PDE1C: variants seen among roughly 807,000 people sequenced by gnomAD.
The protein encoded by PDE1C is phosphodiesterase 1C, also known as dual specificity calcium/calmodulin-dependent 3',5'-cyclic nucleotide phosphodiesterase 1C.
Under a neutral mutation model 93.1 loss-of-function variants are expected in PDE1C, and 62 were observed. The observed-to-expected ratio is 0.67, with a 90% CI of 0.54 to 0.82. PDE1C has a LOEUF of 0.82. Ranked by LOEUF, PDE1C falls within the 40% of genes least tolerant of loss-of-function variation. The pLI is 0.00. For missense variants in PDE1C, 742 were observed against 884.6 expected, an observed-to-expected ratio of 0.84 and a Z score of 2.04; for synonymous variants, 325 against 310.1, an observed-to-expected ratio of 1.05 and a Z score of -0.50.
At chr7:32,134,116 G>GA (rs1443572058) in intron 3 of PDE1C, among the ~76,000 whole-genome samples, 2 of 151,854 alleles carry the variant, frequency 1.3e-5, no homozygotes, top group African/African-American at 4.8e-5. Context: ...GAACAGAGGG[G>GA]AAAAATGTTG....
chr7:32,133,734 C>A (rs531428169), intron 3 of PDE1C, among the ~76,000 whole-genome samples: 6 of 152,238 alleles, frequency 3.9e-5, no homozygotes, highest in Middle Eastern at 6.8e-3. Context: ...AGAATCTCTG[C>A]AATACATTGT....
intron 1 of PDE1C, among the ~76,000 whole-genome samples, chr7:32,279,205 C>T (rs1338793181): frequency 6.6e-6 from 1 of 152,168 alleles, no homozygotes; most frequent in East Asian, 1.9e-4. Flanking sequence ...ACAAGTGACT[C>T]TCACAATCTG....
chr7:32,242,785 C>G (rs1181626428), intron 1 of PDE1C, among the ~76,000 whole-genome samples: 1 of 152,074 alleles, frequency 6.6e-6, no homozygotes, highest in African/African-American at 2.4e-5. Context: ...AATAAAACTG[C>G]CAGTGGAAAT....
At chr7:31,998,799 G>A (rs187207993) in intron 2 of PDE1C, among the ~76,000 whole-genome samples, 2 of 152,280 alleles carry the variant, frequency 1.3e-5, no homozygotes, top group South Asian at 2.1e-4. Context: ...CCCCTGGCAA[G>A]TTTTATAATA....
chr7:31,623,330 A>ATGAACAT, the PDE1C span, among the ~76,000 whole-genome samples: 2 of 152,090 alleles, frequency 1.3e-5, no homozygotes, highest in African/African-American at 4.8e-5. Flanking sequence ...AATATCCTTG[A>ATGAACAT]TGAACATTGA....
the PDE1C span, among the ~76,000 whole-genome samples, chr7:31,667,980 C>G: frequency 6.6e-6 from 1 of 152,060 alleles, no homozygotes; most frequent in Non-Finnish European, 1.5e-5. Context: ...TGGTTACTTT[C>G]TTGTGAGGCT....
In PDE1C at chr7:32,041,201, A is replaced by C. The variant is rs1409433315; in HGVS notation, c.128+10353T>G. On this transcript the variant is annotated intron_variant, in intron 2 of 17. Coordinates refer to ENST00000396191, the MANE Select transcript of PDE1C (RefSeq NM_001191057.4). Reference sequence around the variant, plus strand: ...GCAAATACTATTTCCATTTACCAAAAGAAACAGATTCCAGTAGGCAGGGGA... The same window carrying C: ...GCAAATACTATTTCCATTTACCAAACGAAACAGATTCCAGTAGGCAGGGGA... Among the ~76,000 whole-genome samples the C allele has an allele frequency of 2.6e-5, 4 of 152,294 alleles. No homozygotes were observed. The East Asian group carries it at 7.7e-4, about 29-fold the overall frequency.
chr7:32,043,191 T>C (rs1174875795), intron 2 of PDE1C, among the ~76,000 whole-genome samples: 1 of 152,014 alleles, frequency 6.6e-6, no homozygotes, highest in Non-Finnish European at 1.5e-5. Flanking sequence ...AGTGCCATGG[T>C]TAAGAAATGC....
intron 17 of PDE1C, among the ~76,000 whole-genome samples, chr7:31,773,952 A>G (rs1473769768): frequency 1.3e-5 from 2 of 152,234 alleles, no homozygotes; most frequent in Non-Finnish European, 2.9e-5. Context: ...GAAGAAGAGA[A>G]TAAGGAGCAT....
chr7:31,710,771 C>T, the PDE1C span, among the ~76,000 whole-genome samples: 19 of 152,274 alleles, frequency 1.2e-4, no homozygotes, highest in African/African-American at 3.4e-4. Context: ...GCACAGAAGA[C>T]GCATGAACTG....
the PDE1C span, among the ~76,000 whole-genome samples, chr7:31,661,238 A>G: frequency 6.6e-6 from 1 of 152,164 alleles, no homozygotes; most frequent in African/African-American, 2.4e-5. Flanking sequence ...TTATATATAT[A>G]AAACAATGTC....
intron 12 of PDE1C, 35 bp from the exon 13 acceptor site, chr7:31,825,022 A>G (rs371253529): frequency 1.7e-5 from 28 of 1,611,950 alleles, no homozygotes; most frequent in Non-Finnish European, 2.2e-5. Flanking sequence ...GAGGAACCAC[A>G]TATTACCTTG....
At chr7:32,292,631 C>T (rs1183060553) in intron 1 of PDE1C, among the ~76,000 whole-genome samples, 1 of 152,148 alleles carries the variant, frequency 6.6e-6, no homozygotes, top group Non-Finnish European at 1.5e-5. Flanking sequence ...TCTCTAAGAT[C>T]ACAGCAAAAG....
In PDE1C at chr7:31,879,187, A is replaced by G. The variant is rs2128876370; in HGVS notation, c.243-9T>C. The G allele has an allele frequency of 6.2e-7, 1 of 1,607,494 alleles. No individual in the cohort carries two copies. Among genetic ancestry groups the G allele is most frequent in the East Asian group, 2.2e-5 (1 of 44,758 alleles). On this transcript the variant is annotated splice_polypyrimidine_tract_variant and intron_variant, in intron 3 of 17. Transcript: ENST00000396191. ...CTGTATCCAGGAGTCTCCTGAACAC[A>G]AGAAACAGAATCAGCACACTGAGAT...
chr7:31,816,110 C>G lies in PDE1C; in HGVS notation c.1627G>C (p.Ala543Pro). 1 of 1,613,956 alleles carries G rather than the reference C, an allele frequency of 6.2e-7. No individual in the cohort carries two copies. Among genetic ancestry groups the G allele is most frequent in the Non-Finnish European group, 8.5e-7 (1 of 1,179,928 alleles). ...TCCATTTCCTTTTGCTGCTCCTCTG[C>G]GGCCAGGCGAGCCTTTTCCTCTGCT... ...KEAEEKARLA[A>P]EEQQKEMEAK... Residue 543 changes from alanine (A) to proline (P), a missense_variant, in exon 15 of 18, where the codon GCA (alanine) becomes CCA (proline). By Grantham distance (27) the Ala-to-Pro change is conservative. This residue lies in a region of PDE1C where 454 missense variants were observed against 459.4 expected (regional missense o/e 0.99). Coordinates refer to ENST00000396191, the MANE Select transcript of PDE1C (RefSeq NM_001191057.4).
Position 31,875,256 on chromosome 7 carries a change from C to G in PDE1C, c.493-1848G>C, listed in dbSNP as rs769219520. On this transcript the variant is annotated intron_variant, in intron 5 of 17. Transcript: ENST00000396191. ...TAGTGTCCAGAAAGGAAAGGGCTCT[C>G]TATCACTAGAAATAAAGAGATTATC... Among the ~76,000 whole-genome samples the G allele has an allele frequency of 4.1e-4, 62 of 152,130 alleles. 1 individual carries two copies. Among genetic ancestry groups the G allele is most frequent in the Non-Finnish European group, 7.4e-4 (50 of 68,024 alleles).
chr7:32,222,141 C>A (rs1806914124), intron 1 of PDE1C, among the ~76,000 whole-genome samples: 1 of 152,218 alleles, frequency 6.6e-6, no homozygotes, highest in African/African-American at 2.4e-5. Flanking sequence ...TATGCACACA[C>A]ATACACACTC....
intron 1 of PDE1C, among the ~76,000 whole-genome samples, chr7:32,227,068 C>T (rs1334683256): frequency 6.6e-6 from 1 of 152,200 alleles, no homozygotes; most frequent in East Asian, 1.9e-4. Flanking sequence ...AGGTCTCTGC[C>T]CGCAGCCAAC....
Position 31,837,850 on chromosome 7 carries a change from C to G in PDE1C, c.1082+20G>C, listed in dbSNP as rs754926960. On this transcript the variant is annotated intron_variant, in intron 10 of 17. Transcript: ENST00000396191. ...TCAAACACCTATACAAACAAAAACA[C>G]AAGCCACAAGCACACTTACGCTTCT... The G allele has an allele frequency of 6.4e-7, 1 of 1,569,612 alleles. No individual in the cohort carries two copies. Among genetic ancestry groups the G allele is most frequent in the South Asian group, 1.1e-5 (1 of 90,172 alleles).
Sources: gnomAD v4.1 joint callset for allele counts (sites outside exome capture counted in the v4.1 genomes callset) on GRCh38, gnomAD v4.1.1 for gene constraint, gnomAD v4.1.1 regional missense constraint, MANE v1.5 for transcripts, NCBI Gene and HGNC (gene_info 2026-07-23, HGNC 2026-07-21) for gene names.